The following ENTPD1 variants were observed in gnomAD, a reference collection of about 807,000 sequenced individuals.
ENTPD1 encodes the protein ectonucleoside triphosphate diphosphohydrolase 1, also known as ATP diphosphohydrolase.
A neutral mutation model predicts 57.0 loss-of-function variants in ENTPD1; 33 were observed. That is an observed-to-expected ratio of 0.58 (90% CI 0.44 to 0.77). The LOEUF (loss-of-function observed/expected upper bound fraction) is 0.77, where lower values mean the gene tolerates loss of function less well. ENTPD1 is among the 30% of genes least tolerant of loss of function. The pLI is 0.00. For missense variants in ENTPD1, 501 were observed against 603.4 expected (o/e 0.83, Z 1.78); for synonymous variants, 202 against 218.8 (o/e 0.92, Z 0.68).
intron 1 of ENTPD1, among the ~76,000 whole-genome samples, chr10:95,790,783 T>C (rs1195209538): frequency 6.6e-6 from 1 of 152,202 alleles, no homozygotes; most frequent in African/African-American, 2.4e-5. Context: ...AGAGATTGGA[T>C]AAGAATGAAC....
chr10:95,817,061 A>C (rs2098332420), intron 1 of ENTPD1, among the ~76,000 whole-genome samples: 1 of 152,208 alleles, frequency 6.6e-6, no homozygotes, highest in Non-Finnish European at 1.5e-5. Flanking sequence ...AAGCAAAGGT[A>C]AGCTTATCTG....
chr10:95,728,148 G>A (rs1433730312), intron 1 of ENTPD1, among the ~76,000 whole-genome samples: 3 of 152,110 alleles, frequency 2.0e-5, no homozygotes, highest in South Asian at 2.1e-4. Context: ...GGCTATAGGC[G>A]CTGAGCCTCA....
rs138792757 is a variant in ENTPD1 at position 95,792,384 on chromosome 10, A to C, written c.17-30853A>C. On this transcript the variant is annotated intron_variant, in intron 1 of 9. Coordinates refer to ENST00000371205, the MANE Select transcript of ENTPD1 (RefSeq NM_001776.6). ...TTCCATAAAACAGAGTAAGTGTTCCAATGAGTTGACCAGAGGCAGCAGGCT... is the reference window on the plus strand; with the variant it reads ...TTCCATAAAACAGAGTAAGTGTTCCCATGAGTTGACCAGAGGCAGCAGGCT... Among the ~76,000 whole-genome samples, 684 of 152,360 alleles carry C rather than the reference A, an allele frequency of 4.5e-3. 3 individuals carry two copies. The highest frequency in any genetic ancestry group is 0.017 in the Middle Eastern group (5 of 294).
Position 95,845,469 on chromosome 10 carries a change from C to T in ENTPD1, c.686C>T (p.Thr229Ile), listed in dbSNP as rs141712455. 2.7e-5 allele frequency: 43 copies of T among 1,614,108 alleles called. No individual in the cohort carries two copies. The highest frequency in any genetic ancestry group is 3.3e-5 in the Non-Finnish European group (39 of 1,180,052). ...TQVTFVPQNQ[T>I]IESPDNALQF... ...GTCACTTTTGTACCCCAAAACCAGA[C>T]TATCGAGTCCCCAGATAATGCTCTG... The change falls in exon 6 of 10, where the codon ACT becomes ATT. Residue 229 changes from threonine to isoleucine, a missense_variant. Thr to Ile is a moderately conservative substitution (Grantham distance 89, BLOSUM62 -1). Transcript: ENST00000371205.
At chr10:95,848,609 T>G (rs1376330793) in intron 7 of ENTPD1, among the ~76,000 whole-genome samples, 1 of 152,176 alleles carries the variant, frequency 6.6e-6, no homozygotes, top group Non-Finnish European at 1.5e-5. Context: ...CATGCCGCCA[T>G]TTTGGAATCA....
At chr10:95,721,750 C>T (rs899092818) in intron 1 of ENTPD1, among the ~76,000 whole-genome samples, 7 of 151,748 alleles carry the variant, frequency 4.6e-5, no homozygotes, top group East Asian at 1.9e-4. Flanking sequence ...AGTGCTAGAG[C>T]GTCTTCTATG....
At chr10:95,769,570 C>G (rs766621113) in intron 1 of ENTPD1, among the ~76,000 whole-genome samples, 2 of 152,196 alleles carry the variant, frequency 1.3e-5, no homozygotes, top group Non-Finnish European at 2.9e-5. Flanking sequence ...ACTTATAGAG[C>G]AATGGGAAAC....
intron 1 of ENTPD1, among the ~76,000 whole-genome samples, chr10:95,713,287 T>C (rs2097967912): frequency 6.6e-6 from 1 of 152,224 alleles, no homozygotes; most frequent in Non-Finnish European, 1.5e-5. Flanking sequence ...GGCCAAAAGA[T>C]GGATCCTTTA....
rs375922320 is a variant in ENTPD1, at chr10:95,748,064, G to A, written c.37+36071G>A. ...TTTTTTTTGTATTTTTAGTAGAGACGGAATTTCACTGTGTTAGCCCGGGTG... is the reference window on the plus strand; with the variant it reads ...TTTTTTTTGTATTTTTAGTAGAGACAGAATTTCACTGTGTTAGCCCGGGTG... On this transcript the variant is annotated intron_variant, in intron 1 of 9. Coordinates refer to the ENTPD1 transcript ENST00000453258. Among the ~76,000 whole-genome samples, 224 of 152,006 alleles carry A rather than the reference G, an allele frequency of 1.5e-3. 5 individuals carry two copies. The highest frequency in any genetic ancestry group is 6.2e-4 in the South Asian group (3 of 4,814).
intron 1 of ENTPD1, among the ~76,000 whole-genome samples, chr10:95,809,392 C>A (rs2098288227): frequency 6.6e-6 from 1 of 150,560 alleles, no homozygotes. Context: ...GCGCCCCCCA[C>A]CCCCCAGACG....
At chr10:95,809,431 T>C (rs1342271227) in intron 1 of ENTPD1, among the ~76,000 whole-genome samples, 33 of 77,156 alleles carry the variant, frequency 4.3e-4, no homozygotes, top group African/African-American at 7.4e-4. Flanking sequence ...GTCCCCCACC[T>C]CCCAGACGGG....
chr10:95,739,205 G>A (rs2097997701), intron 1 of ENTPD1, among the ~76,000 whole-genome samples: 1 of 152,198 alleles, frequency 6.6e-6, no homozygotes, highest in Non-Finnish European at 1.5e-5. Flanking sequence ...GATCAGCGTG[G>A]TGGTTGCCGA....
In ENTPD1 at chr10:95,809,432, C is replaced by A. The variant is rs1216786242; in HGVS notation, c.17-13805C>A. ...GGCCGGGCAGAGGCGTCCCCCACCTCCCAGACGGGGCGGCCGGGCAGAGGC... is the reference window on the plus strand; with the variant it reads ...GGCCGGGCAGAGGCGTCCCCCACCTACCAGACGGGGCGGCCGGGCAGAGGC... On this transcript the variant is annotated intron_variant, in intron 1 of 9. Coordinates refer to ENST00000371205, the MANE Select transcript of ENTPD1 (RefSeq NM_001776.6). Among the ~76,000 whole-genome samples the A allele has an allele frequency of 4.0e-5, 6 of 148,244 alleles. No individual in the cohort carries two copies. In the South Asian group the frequency reaches 1.1e-3, roughly 26 times the overall value.
intron 1 of ENTPD1, among the ~76,000 whole-genome samples, chr10:95,763,017 G>A (rs2098072764): frequency 2.6e-5 from 4 of 151,820 alleles, no homozygotes; most frequent in Admixed American, 1.3e-4. Context: ...ATCAACTTAT[G>A]TGCATGCTTT....
At chr10:95,810,899 T>C (rs1201567653) in intron 1 of ENTPD1, among the ~76,000 whole-genome samples, 3 of 152,182 alleles carry the variant, frequency 2.0e-5, no homozygotes, top group Admixed American at 2.0e-4. Context: ...GACCCTGATA[T>C]TGTCATTCTG....
upstream of ENTPD1, among the ~76,000 whole-genome samples, chr10:95,708,202 T>C (rs2097963276): frequency 1.6e-5 from 2 of 126,640 alleles, no homozygotes; most frequent in South Asian, 2.6e-4. Flanking sequence ...TTTTAATTTT[T>C]ATTTATTTTT....
chr10:95,785,619 T>C (rs1005762632), intron 1 of ENTPD1, among the ~76,000 whole-genome samples: 2 of 152,076 alleles, frequency 1.3e-5, no homozygotes, highest in Non-Finnish European at 2.9e-5. Context: ...CTGGCCTCAT[T>C]TGGCTGAAGG....
In ENTPD1 at chr10:95,872,224, A is replaced by C. The variant is rs1442026376; in HGVS notation, c.*5841A>C. ...TTAATCTTTGCAAAGCACAGGCTTA[A>C]TTTCATTGCTGCTCAACTAAAACCA... On this transcript the variant is annotated 3_prime_UTR_variant, in exon 10 of 10. Transcript: ENST00000371205. The C allele has an allele frequency of 1.0e-6, 1 of 985,308 alleles. No individual in the cohort carries two copies. The highest frequency in any genetic ancestry group is 1.2e-6 in the Non-Finnish European group (1 of 829,938). The allele number at this position is 985,308 out of a possible 1,614,324, so 61.0% of individuals were successfully genotyped here.
At chr10:95,757,284 A>G (rs2098030882) in intron 1 of ENTPD1, among the ~76,000 whole-genome samples, 1 of 152,230 alleles carries the variant, frequency 6.6e-6, no homozygotes, top group South Asian at 2.1e-4. Context: ...TACTTGTCAC[A>G]TGAACCTTAC....
Sources: gnomAD v4.1 joint callset for allele counts (sites outside exome capture counted in the v4.1 genomes callset) on GRCh38, gnomAD v4.1.1 for gene constraint, MANE v1.5 for transcripts, NCBI Gene and HGNC (gene_info 2026-07-23, HGNC 2026-07-21) for gene names.